ADGRV1: variants seen among roughly 807,000 people sequenced by gnomAD.
The protein encoded by ADGRV1 is G-protein coupled receptor 98.
In ADGRV1, 359 loss-of-function variants were observed where a neutral mutation model predicts 596.2. That is an observed-to-expected ratio of 0.60 (90% CI 0.55 to 0.66). The LOEUF is 0.66. ADGRV1 is among the 30% of genes least tolerant of loss of function. The pLI, the probability that ADGRV1 is intolerant of heterozygous loss-of-function variation, is 0.00. For synonymous variants in ADGRV1, 2,681 were observed against 2,679.2 expected (o/e 1.00, Z -0.02); for missense variants, 7,274 against 7,575.6 (o/e 0.96, Z 1.48).
intron 83 of ADGRV1, among the ~76,000 whole-genome samples, chr5:90,897,518 C>G (rs1771445904): frequency 7.2e-6 from 1 of 138,634 alleles, no homozygotes; most frequent in Admixed American, 7.0e-5. Context: ...CAAGCATTAG[C>G]ACAGTGCTTA....
chr5:91,086,428 C>CT, intron 86 of ADGRV1, among the ~76,000 whole-genome samples: 1 of 152,220 alleles, frequency 6.6e-6, no homozygotes, highest in East Asian at 1.9e-4. Flanking sequence ...CCTCTTGATA[C>CT]TTTTTCTGGT....
At chr5:90,658,986 A>T (rs1466276738) in intron 21 of ADGRV1, among the ~76,000 whole-genome samples, 1 of 152,188 alleles carries the variant, frequency 6.6e-6, no homozygotes, top group Non-Finnish European at 1.5e-5. Flanking sequence ...GTTTAGAAGG[A>T]TGTATAAGTA....
At chr5:90,751,337 G>T (rs562089880) in intron 53 of ADGRV1, among the ~76,000 whole-genome samples, 1 of 152,242 alleles carries the variant, frequency 6.6e-6, no homozygotes, top group East Asian at 1.9e-4. Flanking sequence ...CATTTTAGCA[G>T]TCCTTGGCTT....
chr5:90,593,094 C>T (rs1484094534), intron 1 of ADGRV1, among the ~76,000 whole-genome samples: 2 of 152,148 alleles, frequency 1.3e-5, no homozygotes, highest in African/African-American at 4.8e-5. Flanking sequence ...AATCCTGTTA[C>T]TTGGTTTATA....
At chr5:90,951,069 A>G (rs555823067) in intron 83 of ADGRV1, among the ~76,000 whole-genome samples, 27 of 152,318 alleles carry the variant, frequency 1.8e-4, no homozygotes, top group African/African-American at 6.3e-4. Context: ...GGAAGCTGGT[A>G]TGTAACTCAT....
intron 48 of ADGRV1, among the ~76,000 whole-genome samples, chr5:90,728,009 C>A (rs1752030485): frequency 6.6e-6 from 1 of 152,098 alleles, no homozygotes; most frequent in South Asian, 2.1e-4. Context: ...TTCTTGTTTA[C>A]CTTTTCCTAA....
chr5:90,584,571 G>A (rs754778957), intron 1 of ADGRV1, among the ~76,000 whole-genome samples: 2 of 152,192 alleles, frequency 1.3e-5, no homozygotes, highest in Non-Finnish European at 2.9e-5. Context: ...TGGGGCTGGA[G>A]TATCCTTTTC....
intron 83 of ADGRV1, among the ~76,000 whole-genome samples, chr5:90,926,425 T>C (rs922833941): frequency 6.7e-6 from 1 of 148,164 alleles, no homozygotes; most frequent in Non-Finnish European, 1.5e-5. Flanking sequence ...TGCGTAGAGG[T>C]GTTTGTAGTA....
chr5:90,818,533 A>G (rs1763146521), intron 75 of ADGRV1, among the ~76,000 whole-genome samples: 1 of 150,306 alleles, frequency 6.7e-6, no homozygotes, highest in South Asian at 2.1e-4. Flanking sequence ...CCCATTCAGT[A>G]TGATATTGGC....
chr5:90,889,214 G>A (rs564938154), intron 83 of ADGRV1, among the ~76,000 whole-genome samples: 10 of 152,252 alleles, frequency 6.6e-5, no homozygotes, highest in Admixed American at 2.6e-4. Flanking sequence ...AGCCATGTGC[G>A]TCAGTGCTCA....
chr5:90,748,813 G>GTTTTTTTTTTTT lies in ADGRV1; in HGVS notation c.10975-1729_10975-1728insTTTTTTTTTTTT, dbSNP rs10700327. Among the ~76,000 whole-genome samples the GTTTTTTTTTTTT allele has an allele frequency of 7.0e-5, 10 of 142,314 alleles. 1 individual carries two copies. Among genetic ancestry groups the GTTTTTTTTTTTT allele is most frequent in the Non-Finnish European group, 3.0e-5 (2 of 66,544 alleles). The allele number at this position is 142,314 out of a possible 152,430, so 93.4% of individuals were successfully genotyped here. Reference sequence around the variant, plus strand: ...AATTGCCTAGTTTGTCTATCATCAAGTTTTTTTTTGTTTTTTTTTTAACTA... The same window carrying GTTTTTTTTTTTT: ...AATTGCCTAGTTTGTCTATCATCAAGTTTTTTTTTTTTTTTTTTTTTGTTTTTTTTTTAACTA... On this transcript the variant is annotated intron_variant, in intron 52 of 89. Transcript: ENST00000405460.
At chr5:90,654,170 T>C in intron 20 of ADGRV1, 1 of 566,442 alleles carries the variant, frequency 1.8e-6, no homozygotes, top group Non-Finnish European at 3.1e-6. Flanking sequence ...TTAAAGAACC[T>C]GGAATAAACC....
At chr5:90,601,982 A>G (rs898960953) in intron 1 of ADGRV1, among the ~76,000 whole-genome samples, 1 of 152,240 alleles carries the variant, frequency 6.6e-6, no homozygotes, top group African/African-American at 2.4e-5. Flanking sequence ...AGCCTTATTA[A>G]CAGAAGAAAT....
In ADGRV1 at chr5:90,683,953, T is replaced by G. The variant is rs1342097552; in HGVS notation, c.6032T>G (p.Val2011Gly). Residue 2011 changes from valine to glycine, a missense_variant, in exon 28 of 90, where the codon GTC becomes GGC. Coordinates refer to ENST00000405460, the MANE Select transcript of ADGRV1 (RefSeq NM_032119.4). ...AGGTTGAAAGGCCTCATGGGAAAAG[T>G]CCTTGTCTCATATGCAACACTAGAT... ...IIRLKGLMGKVLVSYATLDDM... is the reference protein window; with the variant it reads ...IIRLKGLMGKGLVSYATLDDM... 6.2e-7 allele frequency: 1 copy of G among 1,613,802 alleles called. No individual in the cohort carries two copies. Among genetic ancestry groups the G allele is most frequent in the Non-Finnish European group, 8.5e-7 (1 of 1,179,880 alleles).
chr5:90,632,733 C>T (rs1765657184), intron 9 of ADGRV1, among the ~76,000 whole-genome samples: 1 of 152,074 alleles, frequency 6.6e-6, no homozygotes, highest in African/African-American at 2.4e-5. Context: ...TTTGGTGATC[C>T]TGGGTTAGAA....
chr5:90,639,209 T>G (rs991325603), intron 11 of ADGRV1, among the ~76,000 whole-genome samples: 9 of 152,132 alleles, frequency 5.9e-5, no homozygotes, highest in African/African-American at 2.2e-4. Context: ...TAAAATGTAA[T>G]GAAATGTAAA....
chr5:90,584,115 T>G (rs1334341037), intron 1 of ADGRV1, among the ~76,000 whole-genome samples: 1 of 152,214 alleles, frequency 6.6e-6, no homozygotes, highest in Non-Finnish European at 1.5e-5. Context: ...AGTACCTATA[T>G]TATACAATAT....
chr5:90,985,099 A>G (rs986624718), intron 84 of ADGRV1, among the ~76,000 whole-genome samples: 3 of 152,236 alleles, frequency 2.0e-5, no homozygotes, highest in African/African-American at 4.8e-5. Context: ...AAGGCAAATA[A>G]AAAATACAGC....
chr5:90,750,802 T>G, intron 53 of ADGRV1, 105 bp downstream of exon 53: 1 of 770,726 alleles, frequency 1.3e-6, no homozygotes, highest in Non-Finnish European at 2.1e-6. Flanking sequence ...TTTGACCATA[T>G]CAACACTGAA....
Sources: allele counts gnomAD v4.1 joint callset (sites outside exome capture counted in the v4.1 genomes callset), GRCh38; gene constraint gnomAD v4.1.1; transcripts MANE v1.5; gene names NCBI Gene and HGNC (gene_info 2026-07-23, HGNC 2026-07-21).